Variants in SLC27A6 observed in about 807,000 individuals in gnomAD.
The protein encoded by SLC27A6 is long-chain fatty acid transport protein 6.
SLC27A6 carries 74 observed loss-of-function variants against 63.9 expected under a neutral mutation model. The ratio of observed to expected loss-of-function variants is 1.16; its 90% CI spans 0.96 to 1.40. SLC27A6 has a LOEUF of 1.40. Among genes scored for constraint, SLC27A6 ranks in the 40% most tolerant of loss-of-function variants. The pLI is 0.00. For synonymous variants in SLC27A6, 287 were observed against 260.8 expected (o/e 1.10, Z -0.97); for missense variants, 794 against 732.9 (o/e 1.08, Z -0.96).
intron 4 of SLC27A6, among the ~76,000 whole-genome samples, chr5:128,998,144 C>G (rs921868015): frequency 3.3e-5 from 5 of 149,462 alleles, no homozygotes; most frequent in Non-Finnish European, 7.4e-5. Flanking sequence ...AAAAAATTAG[C>G]CAGGGGTGGT....
intron 4 of SLC27A6, among the ~76,000 whole-genome samples, chr5:129,011,003 A>T (rs189706959): frequency 1.8e-4 from 28 of 152,266 alleles, no homozygotes; most frequent in South Asian, 8.3e-4. Context: ...CTAATAGAAG[A>T]CTATTCCATT....
intron 4 of SLC27A6, among the ~76,000 whole-genome samples, chr5:128,990,786 A>T (rs192349574): frequency 6.6e-6 from 1 of 152,340 alleles, no homozygotes; most frequent in African/African-American, 2.4e-5. Flanking sequence ...ACTAGTGTTC[A>T]GCTGGATTAG....
chr5:129,029,636 T>C lies in SLC27A6; in HGVS notation c.1612T>C (p.Leu538=), dbSNP rs776268966. ...IILKPNTSLD[L]EKVYEQVVTF... is the part of the protein sequence containing the mutation. ...TTTAAAACCAAATACATCTTTAGAT[T>C]TGGAAAAAGTTTATGAACAAGTTGT... Residue 538 remains leucine, a synonymous_variant, in exon 9 of 10, where the codon TTG becomes CTG. Transcript: ENST00000262462. 1.2e-6 allele frequency: 2 copies of C among 1,601,270 alleles called. No individual in the cohort carries two copies. Among genetic ancestry groups the C allele is most frequent in the African/African-American group, 2.7e-5 (2 of 74,288 alleles).
intron 4 of SLC27A6, among the ~76,000 whole-genome samples, chr5:128,999,315 C>T (rs925767531): frequency 1.3e-5 from 2 of 152,104 alleles, no homozygotes; most frequent in Admixed American, 6.6e-5. Flanking sequence ...TTAGGTTGGA[C>T]TCATATAAAC....
chr5:128,973,072 C>T lies in SLC27A6; in HGVS notation c.481+6454C>T, dbSNP rs1032722012. On this transcript the variant is annotated intron_variant, in intron 1 of 9. Transcript: ENST00000262462. ...TTTGCTGGAGGTCCACTCCAGACCCCGTTTGCCTGGGTATCACCAGCGGAG... is the reference window on the plus strand; with the variant it reads ...TTTGCTGGAGGTCCACTCCAGACCCTGTTTGCCTGGGTATCACCAGCGGAG... Among the ~76,000 whole-genome samples the T allele has an allele frequency of 5.3e-5, 8 of 152,176 alleles. No homozygotes were observed. In the East Asian group the frequency reaches 7.7e-4, roughly 15 times the overall value.
chr5:129,006,071 G>GTTTTTTTTTTTTTTTCTTTTTTTTT (rs1751515111), intron 4 of SLC27A6, among the ~76,000 whole-genome samples: 1 of 60,148 alleles, frequency 1.7e-5, no homozygotes. Flanking sequence ...TGTGCACACT[G>GTTTTTTTTTTTTTTTCTTTTTTTTT]TTTTTTTTTT....
rs1465211031 is a variant in SLC27A6, at chr5:129,029,635, T to C, written c.1611T>C (p.Asp537=). ...TTTTAAAACCAAATACATCTTTAGA[T>C]TTGGAAAAAGTTTATGAACAAGTTG... is the stretch of plus-strand genomic sequence containing the variant. ...SIILKPNTSL[D]LEKVYEQVVT... Residue 537 remains aspartate (D), a synonymous_variant, in exon 9 of 10, where the codon GAT becomes GAC. Transcript: ENST00000262462. The C allele has an allele frequency of 6.2e-7, 1 of 1,601,570 alleles. No homozygotes were observed. The highest frequency in any genetic ancestry group is 8.5e-7 in the Non-Finnish European group (1 of 1,174,148).
chr5:129,030,863 C>A (rs1580753464), intron 9 of SLC27A6, among the ~76,000 whole-genome samples: 1 of 152,054 alleles, frequency 6.6e-6, no homozygotes, highest in African/African-American at 2.4e-5. Context: ...AGTTTTATCA[C>A]CTGTGCAACT....
At chr5:129,005,495 A>C (rs950342359) in intron 4 of SLC27A6, among the ~76,000 whole-genome samples, 5 of 152,172 alleles carry the variant, frequency 3.3e-5, no homozygotes, top group Non-Finnish European at 7.3e-5. Flanking sequence ...AGCACCAACC[A>C]AGTTAGTAAA....
At chr5:128,975,989 T>C (rs955343948) in intron 1 of SLC27A6, among the ~76,000 whole-genome samples, 3 of 152,146 alleles carry the variant, frequency 2.0e-5, no homozygotes, top group African/African-American at 7.2e-5. Flanking sequence ...AATCAATTAT[T>C]TTCTTTTGTA....
At chr5:129,015,829 T>G in intron 4 of SLC27A6, 56 bp from the exon 5 acceptor site, 1 of 1,224,474 alleles carries the variant, frequency 8.2e-7, no homozygotes, top group Non-Finnish European at 1.2e-6. Flanking sequence ...TAAATAATAA[T>G]AAAGAAAGAA....
In SLC27A6 at chr5:128,990,658, C is replaced by T. The variant is rs562536765; in HGVS notation, c.969+194C>T. Reference sequence around the variant, plus strand: ...CCAAGATGGTGGCAAGCCTTGTGTTCTCTGATCTGGGGTTCTTGGCCTCAC... The same window carrying T: ...CCAAGATGGTGGCAAGCCTTGTGTTTTCTGATCTGGGGTTCTTGGCCTCAC... On this transcript the variant is annotated intron_variant, in intron 4 of 9. Coordinates refer to ENST00000262462, the MANE Select transcript of SLC27A6 (RefSeq NM_001017372.3). 2.0e-5 allele frequency among the ~76,000 whole-genome samples: 3 copies of T among 152,146 alleles called. 1 individual carries two copies. The South Asian group carries it at 6.2e-4, about 32-fold the overall frequency.
intron 1 of SLC27A6, among the ~76,000 whole-genome samples, chr5:128,972,763 CTTCTG>C (rs1246753912): frequency 1.3e-5 from 2 of 152,196 alleles, no homozygotes; most frequent in Non-Finnish European, 2.9e-5. Context: ...CTGAAGCCTG[CTTCTG>C]TCACCTCATC....
chr5:128,969,503 AG>A (rs1310918737), intron 1 of SLC27A6, among the ~76,000 whole-genome samples: 1 of 152,088 alleles, frequency 6.6e-6, no homozygotes, highest in Non-Finnish European at 1.5e-5. Flanking sequence ...TTGGATTCCT[AG>A]GTATTTTATT....
chr5:128,996,168 T>C (rs188336500), intron 4 of SLC27A6, among the ~76,000 whole-genome samples: 55 of 152,242 alleles, frequency 3.6e-4, no homozygotes, highest in African/African-American at 1.3e-3. Flanking sequence ...GTGTGATACA[T>C]GTATGATGCT....
At chr5:129,004,776 C>T (rs1751462977) in intron 4 of SLC27A6, among the ~76,000 whole-genome samples, 1 of 152,178 alleles carries the variant, frequency 6.6e-6, no homozygotes, top group Non-Finnish European at 1.5e-5. Flanking sequence ...CACAGTATCT[C>T]AAAACTGTCC....
At chr5:128,986,030 G>T (rs914368550) in intron 2 of SLC27A6, among the ~76,000 whole-genome samples, 24 of 152,214 alleles carry the variant, frequency 1.6e-4, no homozygotes, top group Admixed American at 4.6e-4. Flanking sequence ...CAAAAGAAGG[G>T]CCTGGCACAG....
At chr5:128,968,747 T>C (rs1317648741) in intron 1 of SLC27A6, among the ~76,000 whole-genome samples, 1 of 152,018 alleles carries the variant, frequency 6.6e-6, no homozygotes, top group Non-Finnish European at 1.5e-5. Flanking sequence ...TCTTTTGCTG[T>C]ACAGAAGCTC....
chr5:129,031,637 A>T (rs1485433557), intron 9 of SLC27A6, among the ~76,000 whole-genome samples: 1 of 151,978 alleles, frequency 6.6e-6, no homozygotes, highest in Non-Finnish European at 1.5e-5. Context: ...AGTGTTAAAA[A>T]TTTTGATATT....
Sources: allele counts gnomAD v4.1 joint callset (sites outside exome capture counted in the v4.1 genomes callset), GRCh38; gene constraint gnomAD v4.1.1; transcripts MANE v1.5; gene names NCBI Gene and HGNC (gene_info 2026-07-23, HGNC 2026-07-21).